The following MTR variants were observed in gnomAD, a reference collection of about 807,000 sequenced individuals.
MTR encodes methionine synthase.
MTR carries 84 observed loss-of-function variants against 154.8 expected under a neutral mutation model. That is an observed-to-expected ratio of 0.54 (90% CI 0.45 to 0.65). The LOEUF (loss-of-function observed/expected upper bound fraction) is 0.65, where lower values mean the gene tolerates loss of function less well. Among genes scored for constraint, MTR ranks in the 30% least tolerant of loss-of-function variants. MTR has a pLI of 0.00. For missense variants in MTR, 1,275 were observed against 1,570.2 expected, an observed-to-expected ratio of 0.81 and a Z score of 3.18; for synonymous variants, 554 against 553.9, an observed-to-expected ratio of 1.00 and a Z score of 0.00.
intron 31 of MTR, among the ~76,000 whole-genome samples, chr1:236,896,509 A>G (rs1018250581): frequency 6.6e-6 from 1 of 152,210 alleles, no homozygotes; most frequent in African/African-American, 2.4e-5. Flanking sequence ...CTTCGAATAG[A>G]TATCCTTGAG....
chr1:236,888,091 T>TA (rs1666119802), intron 27 of MTR, among the ~76,000 whole-genome samples: 1 of 152,064 alleles, frequency 6.6e-6, no homozygotes, highest in Non-Finnish European at 1.5e-5. Flanking sequence ...TATGAAAAGG[T>TA]AGAGATTTCC....
At chr1:236,825,919 T>G (rs1572219347) in intron 10 of MTR, among the ~76,000 whole-genome samples, 1 of 152,240 alleles carries the variant, frequency 6.6e-6, no homozygotes, top group South Asian at 2.1e-4. Flanking sequence ...TCACTGACAT[T>G]CTCTCTTAGG....
At chr1:236,868,192 C>CA (rs1345464762) in intron 22 of MTR, among the ~76,000 whole-genome samples, 2 of 152,210 alleles carry the variant, frequency 1.3e-5, no homozygotes, top group African/African-American at 4.8e-5. Context: ...CCACTCTAAT[C>CA]AGTCAGCAGC....
At position 236,894,345 on chromosome 1, in the gene MTR, C is replaced by T. The variant is rs1172394242; in HGVS notation, c.3205-12C>T. On this transcript the variant is annotated splice_polypyrimidine_tract_variant and intron_variant, in intron 29 of 32. Coordinates refer to ENST00000366577, the MANE Select transcript of MTR (RefSeq NM_000254.3). ...GGCGCCCCCGCACACTCCTACACTCCTTGGTTTTAAGGCTGAGAAGGACTC... is the reference window on the plus strand; with the variant it reads ...GGCGCCCCCGCACACTCCTACACTCTTTGGTTTTAAGGCTGAGAAGGACTC... 2.5e-6 allele frequency: 4 copies of T among 1,614,216 alleles called. No homozygotes were observed. Among genetic ancestry groups the T allele is most frequent in the Middle Eastern group, 1.6e-4 (1 of 6,062 alleles).
chr1:236,869,746 C>T (rs1245253501), intron 22 of MTR, among the ~76,000 whole-genome samples: 1 of 150,440 alleles, frequency 6.6e-6, no homozygotes, highest in East Asian at 2.0e-4. Context: ...TGGTAGCAGG[C>T]ACAGAGGGCA....
intron 5 of MTR, among the ~76,000 whole-genome samples, chr1:236,812,477 C>T (rs1661361518): frequency 6.6e-6 from 1 of 152,214 alleles, no homozygotes; most frequent in African/African-American, 2.4e-5. Context: ...AATTCATACG[C>T]CTTCCCTCTC....
intron 25 of MTR, among the ~76,000 whole-genome samples, chr1:236,881,676 G>T (rs1428458082): frequency 6.6e-6 from 1 of 152,154 alleles, no homozygotes; most frequent in Admixed American, 6.5e-5. Context: ...GATGCCATGC[G>T]ACCTGGACTA....
At chr1:236,850,264 TA>T in intron 15 of MTR, 79 bp from the exon 16 acceptor site, 1 of 913,348 alleles carries the variant, frequency 1.1e-6, no homozygotes, top group Non-Finnish European at 1.5e-6. Context: ...TTTATTAAAA[TA>T]AAATAACAGG....
intron 8 of MTR, among the ~76,000 whole-genome samples, chr1:236,821,708 G>T (rs1661963311): frequency 6.6e-6 from 1 of 152,094 alleles, no homozygotes; most frequent in Non-Finnish European, 1.5e-5. Context: ...TTATATATAG[G>T]TCTGTGTTCC....
intron 18 of MTR, among the ~76,000 whole-genome samples, chr1:236,853,607 C>A (rs1664042944): frequency 6.6e-6 from 1 of 152,090 alleles, no homozygotes; most frequent in Non-Finnish European, 1.5e-5. Flanking sequence ...GTACTGGGAA[C>A]ATATTTCCAT....
intron 18 of MTR, among the ~76,000 whole-genome samples, chr1:236,854,567 A>G (rs1664095030): frequency 6.6e-6 from 1 of 152,212 alleles, no homozygotes; most frequent in African/African-American, 2.4e-5. Context: ...AATAACTGTC[A>G]AAGAGTTCTG....
Position 236,824,229 on chromosome 1 carries a change from T to C in MTR, c.865+10T>C, listed in dbSNP as rs761275930. On this transcript the variant is annotated intron_variant, in intron 9 of 32. Coordinates refer to ENST00000366577, the MANE Select transcript of MTR (RefSeq NM_000254.3). Reference sequence around the variant, plus strand: ...TGTTATCCCAATGCAGGTGTGTGTTTCAAGGGGGTCACACATGGGGAGATA... The same window carrying C: ...TGTTATCCCAATGCAGGTGTGTGTTCCAAGGGGGTCACACATGGGGAGATA... 4.4e-6 allele frequency: 7 copies of C among 1,592,022 alleles called. No homozygotes were observed. The highest frequency in any genetic ancestry group is 6.0e-6 in the Non-Finnish European group (7 of 1,159,946).
At chr1:236,892,085 C>A (rs1666360950) in intron 29 of MTR, among the ~76,000 whole-genome samples, 1 of 152,136 alleles carries the variant, frequency 6.6e-6, no homozygotes, top group African/African-American at 2.4e-5. Flanking sequence ...GTGTCTTAAT[C>A]AAGAATTGGA....
intron 15 of MTR, among the ~76,000 whole-genome samples, chr1:236,844,469 T>A (rs879377942): frequency 0.048 from 2,912 of 61,062 alleles, 51 homozygotes; most frequent in East Asian, 0.14. Context: ...TGTGTGTGTG[T>A]GTGTGTGTGT....
chr1:236,812,045 T>A (rs1661337094), intron 5 of MTR, among the ~76,000 whole-genome samples: 1 of 152,230 alleles, frequency 6.6e-6, no homozygotes, highest in Admixed American at 6.5e-5. Context: ...CACGCCTGGC[T>A]AATTTTTATA....
chr1:236,883,920 G>T (rs954154436), intron 25 of MTR, among the ~76,000 whole-genome samples: 7 of 152,194 alleles, frequency 4.6e-5, no homozygotes, highest in African/African-American at 1.7e-4. Flanking sequence ...AGATAATCCT[G>T]CTGGAGAATG....
At chr1:236,847,927 G>T (rs539755223) in intron 15 of MTR, among the ~76,000 whole-genome samples, 5 of 152,310 alleles carry the variant, frequency 3.3e-5, no homozygotes, top group Admixed American at 6.5e-5. Context: ...CTGTCCCACA[G>T]CCCTGGTGAG....
intron 20 of MTR, 23 bp from the exon 21 acceptor site, chr1:236,862,213 C>T (rs1664584532): frequency 6.3e-7 from 1 of 1,593,514 alleles, no homozygotes; most frequent in Non-Finnish European, 8.6e-7. Flanking sequence ...GGAAAGATAC[C>T]TGATCTATGC....
At chr1:236,840,212 T>G (rs987871413) in intron 15 of MTR, among the ~76,000 whole-genome samples, 1 of 152,256 alleles carries the variant, frequency 6.6e-6, no homozygotes, top group Non-Finnish European at 1.5e-5. Context: ...AAAAGAGAGA[T>G]AGTTTTGATC....
Sources: allele counts gnomAD v4.1 joint callset (sites outside exome capture counted in the v4.1 genomes callset), GRCh38; gene constraint gnomAD v4.1.1; transcripts MANE v1.5; gene names NCBI Gene and HGNC (gene_info 2026-07-23, HGNC 2026-07-21).